FOXK2: variants seen among roughly 807,000 people sequenced by gnomAD.
FOXK2 encodes the protein forkhead box protein K2.
Under a neutral mutation model 53.3 loss-of-function variants are expected in FOXK2, and 24 were observed. That is an observed-to-expected ratio of 0.45 (90% CI 0.33 to 0.63). FOXK2 has a LOEUF of 0.63. FOXK2 is among the 30% of genes least tolerant of loss of function. The pLI is 0.03. For synonymous variants in FOXK2, 505 were observed against 407.1 expected (o/e 1.24, Z -2.89); for missense variants, 952 against 910.5 (o/e 1.05, Z -0.59).
intron 1 of FOXK2, among the ~76,000 whole-genome samples, chr17:82,562,621 A>T (rs1409114447): frequency 6.6e-6 from 1 of 152,144 alleles, no homozygotes; most frequent in Non-Finnish European, 1.5e-5. Flanking sequence ...TTAAATAAGA[A>T]AACTACCACA....
chr17:82,538,251 T>A (rs940098570), intron 1 of FOXK2, among the ~76,000 whole-genome samples: 2 of 150,754 alleles, frequency 1.3e-5, no homozygotes, highest in African/African-American at 4.9e-5. Flanking sequence ...ATAGGCCGGG[T>A]GGGAGGTGGG....
intron 5 of FOXK2, among the ~76,000 whole-genome samples, 159 bp from the exon 6 acceptor site, chr17:82,583,854 T>C (rs2045098082): frequency 6.6e-6 from 1 of 152,210 alleles, no homozygotes; most frequent in African/African-American, 2.4e-5. Context: ...CCCGCTCAGT[T>C]CACAGGCGTA....
At position 82,552,142 on chromosome 17, in the gene FOXK2, G is replaced by A. The variant is rs549114773; in HGVS notation, c.420-11212G>A. On this transcript the variant is annotated intron_variant, in intron 1 of 8. Transcript: ENST00000335255. The stretch of plus-strand genomic sequence containing the variant: ...GCACACGCTCCCAGCCTGGCCACAG[G>A]CCTAGACTAGTGTTGAGGTTTGCAT... Among the ~76,000 whole-genome samples the A allele has an allele frequency of 1.6e-4, 24 of 152,368 alleles. No individual in the cohort carries two copies. In the East Asian group the frequency reaches 3.9e-3, roughly 24 times the overall value.
intron 1 of FOXK2, among the ~76,000 whole-genome samples, chr17:82,521,456 G>A (rs935170253): frequency 6.6e-6 from 1 of 151,570 alleles, no homozygotes; most frequent in African/African-American, 2.4e-5. Flanking sequence ...ACAGGCGTGA[G>A]CCACCGCGCC....
intron 1 of FOXK2, among the ~76,000 whole-genome samples, chr17:82,561,905 TGGGGG>T (rs10558425): frequency 7.2e-6 from 1 of 138,688 alleles, no homozygotes; most frequent in African/African-American, 2.7e-5. Context: ...CTTCCTCTGT[TGGGGG>T]GGGGGGGTGC....
At chr17:82,590,806 G>A (rs182096114) in intron 8 of FOXK2, among the ~76,000 whole-genome samples, 6 of 152,214 alleles carry the variant, frequency 3.9e-5, no homozygotes, top group South Asian at 4.1e-4. Flanking sequence ...GGATGTGGCC[G>A]AGTTTTCTGA....
At chr17:82,583,679 G>A (rs1041923479) in intron 5 of FOXK2, among the ~76,000 whole-genome samples, 5 of 152,076 alleles carry the variant, frequency 3.3e-5, no homozygotes, top group Admixed American at 6.5e-5. Flanking sequence ...TGAGCGTAAC[G>A]TAAGTCTTAA....
chr17:82,548,182 T>C (rs1223805132), intron 1 of FOXK2, among the ~76,000 whole-genome samples: 2 of 152,202 alleles, frequency 1.3e-5, no homozygotes, highest in African/African-American at 4.8e-5. Flanking sequence ...GTGGTCAGTG[T>C]GCATTTATTT....
intron 1 of FOXK2, among the ~76,000 whole-genome samples, chr17:82,549,635 C>G (rs993419279): frequency 6.6e-6 from 1 of 152,128 alleles, no homozygotes; most frequent in African/African-American, 2.4e-5. Context: ...AGATGGGGGC[C>G]AAAACCCCCC....
intron 1 of FOXK2, among the ~76,000 whole-genome samples, chr17:82,557,223 G>T (rs1005240996): frequency 6.7e-5 from 10 of 149,446 alleles, no homozygotes; most frequent in Admixed American, 4.7e-4. Context: ...ATAGAGATGG[G>T]GTTTCTCCAT....
At chr17:82,569,185 C>A (rs1297521640) in intron 3 of FOXK2, among the ~76,000 whole-genome samples, 2 of 152,124 alleles carry the variant, frequency 1.3e-5, no homozygotes, top group Admixed American at 1.3e-4. Flanking sequence ...CATGGTATTA[C>A]TTGACATATT....
chr17:82,584,549 CTT>C (rs34083156), intron 6 of FOXK2, among the ~76,000 whole-genome samples: 1,121 of 89,616 alleles, frequency 0.013, no homozygotes, highest in Non-Finnish European at 0.02. Flanking sequence ...AAAACATGTC[CTT>C]TTTTTTTTTT....
In FOXK2 at chr17:82,586,082, C is replaced by A; in HGVS notation, c.1458C>A (p.Ala486=). The change falls in exon 7 of 9, where the codon GCC becomes GCA. Residue 486 remains alanine, a synonymous_variant. Transcript: ENST00000335255. ...QIPAVSVTSV[A]GLAPANTYTV... ...CAGCGGTGTCGGTCACCAGTGTGGC[C>A]GGACTGGCCCCAGCGAACACGTACA... 2 of 1,612,754 alleles carry A rather than the reference C, an allele frequency of 1.2e-6. No homozygotes were observed. Among genetic ancestry groups the A allele is most frequent in the Non-Finnish European group, 1.7e-6 (2 of 1,179,972 alleles).
At chr17:82,581,821 G>T (rs998902586) in intron 4 of FOXK2, among the ~76,000 whole-genome samples, 1 of 152,118 alleles carries the variant, frequency 6.6e-6, no homozygotes, top group Non-Finnish European at 1.5e-5. Context: ...TGTTGGCCAG[G>T]CTGGCCTCAA....
intron 8 of FOXK2, 150 bp downstream of exon 8, chr17:82,587,422 T>TG: frequency 1.5e-6 from 1 of 681,298 alleles, no homozygotes; most frequent in Non-Finnish European, 2.6e-6. Flanking sequence ...CTAGTCATGC[T>TG]GGGGAAGTGG....
intron 1 of FOXK2, among the ~76,000 whole-genome samples, chr17:82,528,616 G>A (rs3803773): frequency 0.21 from 32,342 of 152,104 alleles, 3,818 homozygotes; most frequent in East Asian, 0.39. Flanking sequence ...CTTTGAGCAC[G>A]GAACAAGGTG....
At chr17:82,562,653 G>C (rs1309361583) in intron 1 of FOXK2, among the ~76,000 whole-genome samples, 1 of 152,026 alleles carries the variant, frequency 6.6e-6, no homozygotes, top group East Asian at 1.9e-4. Flanking sequence ...TTGTGACCCA[G>C]ATACATTTGT....
intron 1 of FOXK2, among the ~76,000 whole-genome samples, chr17:82,529,718 G>T (rs905690610): frequency 1.3e-5 from 2 of 152,108 alleles, no homozygotes; most frequent in Non-Finnish European, 2.9e-5. Context: ...GAGCCTGGAG[G>T]TTGAGACTCA....
rs535594352 is a variant in FOXK2 at position 82,587,993 on chromosome 17, CGCTTTCTTTGAA to C, written c.1786+722_1786+733del. ...TAAAACTGTCTCTGTGCCCACGACA[CGCTTTCTTTGAA>C]AGAGGGTACAGGTCAGAAGGCTTTA... On this transcript the variant is annotated intron_variant, in intron 8 of 8. Transcript: ENST00000335255. Among the ~76,000 whole-genome samples the C allele has an allele frequency of 1.3e-3, 193 of 152,256 alleles. 1 individual carries two copies. Among genetic ancestry groups the C allele is most frequent in the African/African-American group, 4.5e-3 (187 of 41,546 alleles).
Sources: allele counts gnomAD v4.1 joint callset (sites outside exome capture counted in the v4.1 genomes callset), GRCh38; gene constraint gnomAD v4.1.1; transcripts MANE v1.5; gene names NCBI Gene and HGNC (gene_info 2026-07-23, HGNC 2026-07-21).